Variants in GNB1L observed in about 807,000 individuals in gnomAD.
GNB1L encodes the protein guanine nucleotide-binding protein subunit beta-like protein 1.
Under a neutral mutation model 29.1 loss-of-function variants are expected in GNB1L, and 20 were observed. The observed-to-expected ratio is 0.69, with a 90% CI of 0.48 to 1.00. The LOEUF (loss-of-function observed/expected upper bound fraction) is 1.00, where lower values mean the gene tolerates loss of function less well. Ranked by LOEUF, GNB1L falls within the 50% of genes least tolerant of loss-of-function variation. The pLI is 0.00. For missense variants in GNB1L, 421 were observed against 464.9 expected (o/e 0.91, Z 0.87); for synonymous variants, 193 against 206.5 (o/e 0.93, Z 0.56).
At chr22:19,825,148 A>G (rs985220915) in intron 2 of GNB1L, among the ~76,000 whole-genome samples, 7 of 152,242 alleles carry the variant, frequency 4.6e-5, no homozygotes, top group African/African-American at 9.6e-5. Flanking sequence ...GAGTGCCTCA[A>G]ACAGGACCCT....
At chr22:19,820,453 C>T (rs1473580878) in intron 4 of GNB1L, 145 bp downstream of exon 4, 1 of 850,364 alleles carries the variant, frequency 1.2e-6, no homozygotes, top group South Asian at 1.8e-5. Flanking sequence ...GACCTGCACA[C>T]CCTGCCCTTG....
chr22:19,803,514 C>T (rs75690590), intron 6 of GNB1L, among the ~76,000 whole-genome samples: 3,474 of 152,296 alleles, frequency 0.023, 56 homozygotes, highest in Non-Finnish European at 0.033. Context: ...CACGCTCCTG[C>T]GTGTGCTGTT....
intron 2 of GNB1L, among the ~76,000 whole-genome samples, chr22:19,825,880 C>T (rs1181723560): frequency 6.6e-6 from 1 of 152,154 alleles, no homozygotes; most frequent in Admixed American, 6.5e-5. Context: ...ATCATTTGAG[C>T]CCAAGAGTTC....
chr22:19,836,623 T>C (rs1461424249), intron 2 of GNB1L, among the ~76,000 whole-genome samples: 1 of 152,128 alleles, frequency 6.6e-6, no homozygotes, highest in Non-Finnish European at 1.5e-5. Context: ...AATATAGACA[T>C]ACAAATCCTC....
At chr22:19,841,824 C>T (rs1937866600) in intron 2 of GNB1L, among the ~76,000 whole-genome samples, 1 of 152,098 alleles carries the variant, frequency 6.6e-6, no homozygotes, top group Non-Finnish European at 1.5e-5. Context: ...AGAAGGTGTC[C>T]CCAGCCAGCT....
chr22:19,837,298 A>G (rs901109547), intron 2 of GNB1L, among the ~76,000 whole-genome samples: 17 of 152,208 alleles, frequency 1.1e-4, no homozygotes, highest in Admixed American at 1.1e-3. Context: ...TGAAAAGACA[A>G]TCTATACAGA....
chr22:19,832,436 G>A (rs1937696035), intron 2 of GNB1L, among the ~76,000 whole-genome samples: 1 of 152,230 alleles, frequency 6.6e-6, no homozygotes, highest in African/African-American at 2.4e-5. Flanking sequence ...GACCTACACA[G>A]AGACATGTTT....
Position 19,846,862 on chromosome 22 carries a change from T to G in GNB1L, c.-21+7581A>C, listed in dbSNP as rs748797356. On this transcript the variant is annotated intron_variant, in intron 2 of 7. Transcript: ENST00000329517. ...AGCTCCAGAATCATGAGGAAATGTC[T>G]GTTGTTTAAGTCCCCTAGCCTGCGG... is the stretch of plus-strand genomic sequence containing the variant. The G allele has an allele frequency of 2.8e-4, 258 of 917,822 alleles. 2 individuals are homozygous for G. The highest frequency in any genetic ancestry group is 1.1e-3 in the Middle Eastern group (2 of 1,828). 56.9% of individuals were successfully genotyped at this position (917,822 alleles called of 1,614,324 possible). A position where few individuals can be genotyped will look rare whatever the true frequency, so the allele number is the denominator to read the frequency against.
intron 2 of GNB1L, among the ~76,000 whole-genome samples, chr22:19,836,707 G>C (rs1327894511): frequency 6.6e-6 from 1 of 152,076 alleles, no homozygotes; most frequent in African/African-American, 2.4e-5. Context: ...CAACAGTGTA[G>C]AAAAAGAATA....
At chr22:19,822,270 G>T (rs1436359090) in intron 2 of GNB1L, among the ~76,000 whole-genome samples, 1 of 152,236 alleles carries the variant, frequency 6.6e-6, no homozygotes, top group African/African-American at 2.4e-5. Flanking sequence ...AGAGTGGCTG[G>T]GGCAGAGTCG....
chr22:19,832,147 T>C (rs551387092), intron 2 of GNB1L, among the ~76,000 whole-genome samples: 1 of 151,952 alleles, frequency 6.6e-6, no homozygotes, highest in Non-Finnish European at 1.5e-5. Context: ...CTGGGCAACA[T>C]AGTCAGACCC....
intron 5 of GNB1L, among the ~76,000 whole-genome samples, chr22:19,811,827 C>G (rs984131674): frequency 6.6e-6 from 1 of 152,034 alleles, no homozygotes; most frequent in Admixed American, 6.5e-5. Flanking sequence ...GGTCAGCCCT[C>G]CCCAGGCCTC....
At position 19,819,051 on chromosome 22, in the gene GNB1L, C is replaced by T. The variant is rs143512468; in HGVS notation, c.254+1547G>A. On this transcript the variant is annotated intron_variant, in intron 4 of 7. Coordinates refer to ENST00000329517, the MANE Select transcript of GNB1L (RefSeq NM_053004.3). ...CAGCCCCATCACCTCCACAAGACCA[C>T]GGGGGCGATGTCAGAACCCAGCCCT... is the stretch of plus-strand genomic sequence containing the variant. Among the ~76,000 whole-genome samples, 1,368 of 152,306 alleles carry T rather than the reference C, an allele frequency of 9.0e-3. 19 individuals are homozygous for T. Among genetic ancestry groups the T allele is most frequent in the Middle Eastern group, 0.031 (9 of 294 alleles).
Position 19,788,277 on chromosome 22 carries a change from A to G in GNB1L, c.*432T>C, listed in dbSNP as rs1434307018. On this transcript the variant is annotated 3_prime_UTR_variant, in exon 8 of 8. Coordinates refer to ENST00000329517, the MANE Select transcript of GNB1L (RefSeq NM_053004.3). ...TCATCTCCTGAGGCCTGGCCCAGGA[A>G]ACCCACACTCGGGGTGGCCCATTCA... is the stretch of plus-strand genomic sequence containing the variant. 6.5e-6 allele frequency: 3 copies of G among 460,720 alleles called. No homozygotes were observed. Among genetic ancestry groups the G allele is most frequent in the African/African-American group, 5.9e-5 (3 of 51,002 alleles). The allele number at this position is 460,720 out of a possible 1,614,324, so 28.5% of individuals were successfully genotyped here.
In GNB1L at chr22:19,784,366, G is replaced by A. The variant is rs759859826; in HGVS notation, c.*4343C>T. 3.3e-5 allele frequency: 5 copies of A among 152,168 alleles called. No homozygotes were observed. The highest frequency in any genetic ancestry group is 4.4e-5 in the Non-Finnish European group (3 of 68,028). The allele number at this position is 152,168 out of a possible 1,614,324, so 9.4% of individuals were successfully genotyped here. On this transcript the variant is annotated 3_prime_UTR_variant, in exon 8 of 8. Transcript: ENST00000329517. ...GGAGCCCTTCCCGGGATCATCTCCC[G>A]GCATCGGCTGACCCCTCGGTGTCTA...
chr22:19,820,420 T>G (rs1937568629), intron 4 of GNB1L, among the ~76,000 whole-genome samples, 178 bp downstream of exon 4: 1 of 152,212 alleles, frequency 6.6e-6, no homozygotes, highest in Admixed American at 6.5e-5. Flanking sequence ...CAGACCTGCC[T>G]GCCTCCCTGT....
rs757547791 is a variant in GNB1L at position 19,820,645 on chromosome 22, C to G, written c.207G>C (p.Gln69His). ...GCAGCGTCTGCAGCCAGGTCACACA[C>G]TGGCCGCCGTGGCCATCCAGGGTGG... ...AVTTLDGHGG[Q>H]CVTWLQTLPQ... The change falls in exon 4 of 8, where the codon CAG (glutamine) becomes CAC (histidine). Residue 69 changes from glutamine to histidine, a missense_variant. Physicochemically the swap from Gln to His is conservative, Grantham distance 24. Coordinates refer to ENST00000329517, the MANE Select transcript of GNB1L (RefSeq NM_053004.3). The G allele has an allele frequency of 6.2e-7, 1 of 1,613,490 alleles. No individual in the cohort carries two copies. Among genetic ancestry groups the G allele is most frequent in the Non-Finnish European group, 8.5e-7 (1 of 1,179,936 alleles).
rs766455200 is a variant in GNB1L at position 19,806,647 on chromosome 22, G to T, written c.516+12C>A. ...GGCCGGCAGGGCGTGGCTGGTGCACGCGGGGCCTTACCTGCCACAGCCGCA... is the reference window on the plus strand; with the variant it reads ...GGCCGGCAGGGCGTGGCTGGTGCACTCGGGGCCTTACCTGCCACAGCCGCA... On this transcript the variant is annotated intron_variant, in intron 6 of 7. Transcript: ENST00000329517. The T allele has an allele frequency of 4.4e-6, 7 of 1,574,434 alleles. No homozygotes were observed. The highest frequency in any genetic ancestry group is 4.4e-6 in the Non-Finnish European group (5 of 1,147,122).
rs1937201795 is a variant in GNB1L at position 19,787,462 on chromosome 22, A to G, written c.*1247T>C. 6.6e-6 allele frequency: 1 copy of G among 152,536 alleles called. No homozygotes were observed. The highest frequency in any genetic ancestry group is 1.5e-5 in the Non-Finnish European group (1 of 68,268). 9.4% of individuals were successfully genotyped at this position (152,536 alleles called of 1,614,324 possible). ...CCCACACCCTTCCGATCCGTCCCAC[A>G]CATGTTCAGATTTCTGCCTGGAAAC... On this transcript the variant is annotated 3_prime_UTR_variant, in exon 8 of 8. Transcript: ENST00000329517.
Sources: gnomAD v4.1 joint callset for allele counts (sites outside exome capture counted in the v4.1 genomes callset) on GRCh38, gnomAD v4.1.1 for gene constraint, MANE v1.5 for transcripts, NCBI Gene and HGNC (gene_info 2026-07-23, HGNC 2026-07-21) for gene names.